The following NEDD4L variants were observed in gnomAD, a reference collection of about 807,000 sequenced individuals.
NEDD4L encodes NEDD4 like E3 ubiquitin protein ligase.
Under a neutral mutation model 148.9 loss-of-function variants are expected in NEDD4L, and 54 were observed. The ratio of observed to expected loss-of-function variants is 0.36; its 90% CI spans 0.29 to 0.45. The LOEUF is 0.45. NEDD4L is among the 20% of genes least tolerant of loss of function. The pLI is 1.00. For missense variants in NEDD4L, 856 were observed against 1,233.8 expected, an observed-to-expected ratio of 0.69 and a Z score of 4.59; for synonymous variants, 433 against 440.7, an observed-to-expected ratio of 0.98 and a Z score of 0.22.
rs139756424 is a variant in NEDD4L, at chr18:58,376,637, T to TA, written c.2352+3369dup. Among the ~76,000 whole-genome samples, 415 of 152,270 alleles carry TA rather than the reference T, an allele frequency of 2.7e-3. 1 individual carries two copies. Among genetic ancestry groups the TA allele is most frequent in the African/African-American group, 9.3e-3 (388 of 41,546 alleles). On this transcript the variant is annotated intron_variant, in intron 24 of 30. Coordinates refer to ENST00000400345, the MANE Select transcript of NEDD4L (RefSeq NM_001144967.3). ...AAGTCCAAGCTCCCATCTTCCCCAC[T>TA]AGACCCCCGACCCGTCTCTACATCC...
chr18:58,190,247 A>G (rs1761170095), intron 2 of NEDD4L, among the ~76,000 whole-genome samples: 1 of 152,226 alleles, frequency 6.6e-6, no homozygotes, highest in South Asian at 2.1e-4. Context: ...GTTATATTTT[A>G]TCCTTATCTA....
intron 2 of NEDD4L, among the ~76,000 whole-genome samples, chr18:58,220,413 A>G (rs1462567789): frequency 6.8e-6 from 1 of 147,416 alleles, no homozygotes; most frequent in Non-Finnish European, 1.5e-5. Context: ...AAAAAAAAAG[A>G]CTGAGAATGG....
At chr18:58,119,271 G>T (rs1289308290) in intron 1 of NEDD4L, among the ~76,000 whole-genome samples, 4 of 152,162 alleles carry the variant, frequency 2.6e-5, no homozygotes, top group Non-Finnish European at 4.4e-5. Flanking sequence ...CCAAAGTCCA[G>T]TTGCCTGCTC....
chr18:58,396,084 C>G (rs1386297639), intron 30 of NEDD4L, 83 bp from the exon 31 acceptor site: 1 of 882,474 alleles, frequency 1.1e-6, no homozygotes, highest in African/African-American at 1.7e-5. Context: ...TTTTTATTCT[C>G]TTACTCAAAC....
intron 1 of NEDD4L, among the ~76,000 whole-genome samples, chr18:58,104,648 C>T (rs1384611391): frequency 6.6e-6 from 1 of 152,138 alleles, no homozygotes; most frequent in Non-Finnish European, 1.5e-5. Flanking sequence ...CTGAATATTT[C>T]ACTATTTTTC....
chr18:58,392,739 C>A (rs1056958197), intron 30 of NEDD4L, among the ~76,000 whole-genome samples: 1 of 152,162 alleles, frequency 6.6e-6, no homozygotes, highest in Non-Finnish European at 1.5e-5. Context: ...GTGTCCAAGT[C>A]ATATGTGGTT....
At chr18:58,309,451 C>T (rs1163856675) in intron 5 of NEDD4L, among the ~76,000 whole-genome samples, 3 of 152,162 alleles carry the variant, frequency 2.0e-5, no homozygotes, top group Non-Finnish European at 4.4e-5. Context: ...CTATCCTGTC[C>T]AGAGCTCCAA....
chr18:58,089,657 A>C (rs2083954954), intron 1 of NEDD4L, among the ~76,000 whole-genome samples: 1 of 152,130 alleles, frequency 6.6e-6, no homozygotes, highest in Admixed American at 6.5e-5. Flanking sequence ...CATTGAGAGC[A>C]AGGGTTCATC....
At chr18:58,229,846 T>C (rs947422383) in intron 2 of NEDD4L, among the ~76,000 whole-genome samples, 2 of 151,928 alleles carry the variant, frequency 1.3e-5, no homozygotes, top group South Asian at 2.1e-4. Flanking sequence ...AAAAATTAGC[T>C]GGGCGTGGTG....
At chr18:58,070,380 C>A (rs1272689390) in intron 1 of NEDD4L, among the ~76,000 whole-genome samples, 1 of 152,058 alleles carries the variant, frequency 6.6e-6, no homozygotes, top group African/African-American at 2.4e-5. Flanking sequence ...TTGGTCCTCC[C>A]ACCTCAGCTT....
intron 1 of NEDD4L, chr18:58,149,409 C>A: frequency 6.7e-7 from 1 of 1,500,122 alleles, no homozygotes; most frequent in Non-Finnish European, 8.9e-7. Flanking sequence ...GTGACCTTGT[C>A]ACCCGGCAGT....
intron 5 of NEDD4L, among the ~76,000 whole-genome samples, chr18:58,275,454 A>G (rs1407939344): frequency 3.3e-5 from 5 of 152,208 alleles, no homozygotes; most frequent in Non-Finnish European, 7.3e-5. Flanking sequence ...TTAACCACCC[A>G]CACACATCTT....
At chr18:58,119,810 G>A (rs929902205) in intron 1 of NEDD4L, among the ~76,000 whole-genome samples, 3 of 152,212 alleles carry the variant, frequency 2.0e-5, no homozygotes, top group Non-Finnish European at 2.9e-5. Context: ...TTCACACCCA[G>A]AAATGCTGAC....
intron 1 of NEDD4L, among the ~76,000 whole-genome samples, chr18:58,159,097 G>T (rs2035871452): frequency 6.6e-6 from 1 of 152,150 alleles, no homozygotes; most frequent in Non-Finnish European, 1.5e-5. Context: ...CCAACATTAA[G>T]AGAGGGAAAG....
At chr18:58,173,705 T>C (rs2037772735) in intron 2 of NEDD4L, among the ~76,000 whole-genome samples, 1 of 152,208 alleles carries the variant, frequency 6.6e-6, no homozygotes, top group Non-Finnish European at 1.5e-5. Context: ...TCCTAAATAC[T>C]TCAGCCCAAA....
At chr18:58,282,211 T>C (rs904600066) in intron 5 of NEDD4L, among the ~76,000 whole-genome samples, 14 of 151,468 alleles carry the variant, frequency 9.2e-5, no homozygotes, top group African/African-American at 3.4e-4. Context: ...TTCCATTTGT[T>C]CGTTGTGTTT....
chr18:58,350,875 G>A, intron 17 of NEDD4L, 116 bp from the exon 18 acceptor site: 1 of 735,248 alleles, frequency 1.4e-6, no homozygotes, highest in Non-Finnish European at 2.3e-6. Context: ...ATGCATAAAT[G>A]TACCCTAGCA....
At chr18:58,235,964 C>T (rs1014542420) in intron 2 of NEDD4L, among the ~76,000 whole-genome samples, 7 of 151,524 alleles carry the variant, frequency 4.6e-5, no homozygotes, top group African/African-American at 7.3e-5. Context: ...ACCTGGGAGG[C>T]GGAGGCTGCA....
In NEDD4L at chr18:58,329,111, G is replaced by T; in HGVS notation, c.797G>T (p.Gly266Val). The change falls in exon 10 of 31, where the codon GGC becomes GTC. Residue 266 changes from glycine to valine, a missense_variant. By Grantham distance (109) the Gly-to-Val change is moderately radical. Coordinates refer to ENST00000400345, the MANE Select transcript of NEDD4L (RefSeq NM_001144967.3). ...GACTTGGAGCCCGAGCCCTCGGAGG[G>T]CGGGGATGTCCCCGAGGTACGATGT... is the stretch of plus-strand genomic sequence containing the variant. ...SEDLEPEPSE[G>V]GDVPEPWETI... 6.2e-7 allele frequency: 1 copy of T among 1,613,964 alleles called. No individual in the cohort carries two copies. The highest frequency in any genetic ancestry group is 8.5e-7 in the Non-Finnish European group (1 of 1,179,880).
Sources: allele counts gnomAD v4.1 joint callset (sites outside exome capture counted in the v4.1 genomes callset), GRCh38; gene constraint gnomAD v4.1.1; transcripts MANE v1.5; gene names NCBI Gene and HGNC (gene_info 2026-07-23, HGNC 2026-07-21).